Variants in CCBE1 observed in about 807,000 individuals in gnomAD.
CCBE1 encodes collagen and calcium-binding EGF domain-containing protein 1.
In CCBE1, 37 loss-of-function variants were observed where a neutral mutation model predicts 50.0. That is an observed-to-expected ratio of 0.74 (90% CI 0.57 to 0.97). CCBE1 has a LOEUF of 0.97. CCBE1 is among the 50% of genes least tolerant of loss of function. The pLI is 0.00. For missense variants in CCBE1, 538 were observed against 523.8 expected (o/e 1.03, Z -0.26); for synonymous variants, 234 against 203.7 (o/e 1.15, Z -1.27).
Position 59,433,175 on chromosome 18 carries a change from T to C in CCBE1, c.*2733A>G, listed in dbSNP as rs1910002099. 6.6e-6 allele frequency: 1 copy of C among 152,178 alleles called. No individual in the cohort carries two copies. Among genetic ancestry groups the C allele is most frequent in the Non-Finnish European group, 1.5e-5 (1 of 68,026 alleles). The allele number at this position is 152,178 out of a possible 1,614,324, so 9.4% of individuals were successfully genotyped here. The stretch of plus-strand genomic sequence containing the variant: ...GCACCCCACCCTAAAAAGAAATTTT[T>C]TCTTTTTAAAAAGTCTCCTTTATTC... On this transcript the variant is annotated 3_prime_UTR_variant, in exon 11 of 11. Coordinates refer to ENST00000439986, the MANE Select transcript of CCBE1 (RefSeq NM_133459.4).
intron 2 of CCBE1, among the ~76,000 whole-genome samples, chr18:59,664,916 G>A (rs2054332593): frequency 6.6e-6 from 1 of 152,180 alleles, no homozygotes; most frequent in South Asian, 2.1e-4. Flanking sequence ...AGCTGAGGGA[G>A]AAGTAAAGTT....
At chr18:59,552,207 C>T (rs914396241) in intron 2 of CCBE1, among the ~76,000 whole-genome samples, 1 of 152,188 alleles carries the variant, frequency 6.6e-6, no homozygotes, top group Admixed American at 6.5e-5. Context: ...AGGCCCTGGA[C>T]CTCACACAAC....
At chr18:59,516,540 A>T (rs1914380838) in intron 2 of CCBE1, among the ~76,000 whole-genome samples, 2 of 152,180 alleles carry the variant, frequency 1.3e-5, no homozygotes, top group African/African-American at 2.4e-5. Flanking sequence ...GATAGGGGCA[A>T]AACAATCTGT....
At chr18:59,648,925 T>C (rs1037425551) in intron 2 of CCBE1, among the ~76,000 whole-genome samples, 17 of 152,192 alleles carry the variant, frequency 1.1e-4, no homozygotes, top group Non-Finnish European at 1.6e-4. Context: ...GTTAGAGCTG[T>C]GAGAATCTAA....
intron 2 of CCBE1, among the ~76,000 whole-genome samples, chr18:59,588,701 A>T (rs543085228): frequency 6.6e-6 from 1 of 152,292 alleles, no homozygotes; most frequent in African/African-American, 2.4e-5. Context: ...GGCAGTATAC[A>T]GCTCTTCTGG....
intron 2 of CCBE1, among the ~76,000 whole-genome samples, chr18:59,590,176 CAATT>C (rs1221478332): frequency 1.3e-5 from 2 of 152,092 alleles, no homozygotes; most frequent in Non-Finnish European, 2.9e-5. Flanking sequence ...TTAGCCAAAT[CAATT>C]AGAGGCATAA....
chr18:59,527,716 ATACT>A (rs1201572199), intron 2 of CCBE1, among the ~76,000 whole-genome samples: 2 of 152,206 alleles, frequency 1.3e-5, no homozygotes, highest in African/African-American at 4.8e-5. Flanking sequence ...TATCTAAAAA[ATACT>A]TTATTTCTCC....
intron 2 of CCBE1, among the ~76,000 whole-genome samples, chr18:59,663,189 A>G (rs556873541): frequency 6.6e-5 from 10 of 152,298 alleles, no homozygotes; most frequent in African/African-American, 1.9e-4. Flanking sequence ...TCCTAATGGG[A>G]AGTAGATTGT....
At chr18:59,594,725 T>C (rs1396331538) in intron 2 of CCBE1, among the ~76,000 whole-genome samples, 1 of 152,124 alleles carries the variant, frequency 6.6e-6, no homozygotes, top group African/African-American at 2.4e-5. Context: ...TTGTCAACAG[T>C]ACATCTTTAA....
At chr18:59,614,378 AG>A (rs2053612008) in intron 2 of CCBE1, among the ~76,000 whole-genome samples, 1 of 152,228 alleles carries the variant, frequency 6.6e-6, no homozygotes, top group Non-Finnish European at 1.5e-5. Context: ...TTTAACAAAA[AG>A]TGATTTACTT....
At chr18:59,539,313 A>C (rs1313810258) in intron 2 of CCBE1, among the ~76,000 whole-genome samples, 1 of 152,164 alleles carries the variant, frequency 6.6e-6, no homozygotes, top group Non-Finnish European at 1.5e-5. Flanking sequence ...TGCCACACTG[A>C]AGAGGCACAT....
At chr18:59,611,922 A>T (rs770770666) in intron 2 of CCBE1, among the ~76,000 whole-genome samples, 5 of 152,230 alleles carry the variant, frequency 3.3e-5, no homozygotes, top group Non-Finnish European at 7.3e-5. Context: ...TCTTAAGAGC[A>T]GGGTAAAGTC....
chr18:59,647,904 A>G (rs1282233406), intron 2 of CCBE1, among the ~76,000 whole-genome samples: 1 of 152,234 alleles, frequency 6.6e-6, no homozygotes, highest in East Asian at 1.9e-4. Context: ...ACACAGAGAC[A>G]GTAAGTTATC....
At chr18:59,557,650 C>T (rs749175131) in intron 2 of CCBE1, among the ~76,000 whole-genome samples, 1 of 152,142 alleles carries the variant, frequency 6.6e-6, no homozygotes, top group Non-Finnish European at 1.5e-5. Flanking sequence ...TAGGCCACTA[C>T]TTCATTTATA....
chr18:59,532,857 G>C (rs747861152), intron 2 of CCBE1, among the ~76,000 whole-genome samples: 20 of 151,994 alleles, frequency 1.3e-4, no homozygotes, highest in Non-Finnish European at 8.8e-5. Context: ...GGCTATCTAG[G>C]CCTTGTCCTT....
intron 2 of CCBE1, among the ~76,000 whole-genome samples, chr18:59,648,362 G>A (rs1391244571): frequency 6.6e-6 from 1 of 152,172 alleles, no homozygotes; most frequent in Non-Finnish European, 1.5e-5. Context: ...AGAACCCTGT[G>A]ACAGACTAAC....
chr18:59,573,284 AATATATAT>A lies in CCBE1; in HGVS notation c.213-93054_213-93047del, dbSNP rs71336346. ...TGGGCAATATAGTGAGACTCCGTCT[AATATATAT>A]ATATATATATGTATGTATGTGATAG... is the stretch of plus-strand genomic sequence containing the variant. On this transcript the variant is annotated intron_variant, in intron 2 of 10. Coordinates refer to ENST00000439986, the MANE Select transcript of CCBE1 (RefSeq NM_133459.4). 6.4e-5 allele frequency among the ~76,000 whole-genome samples: 6 copies of A among 93,726 alleles called. 1 individual carries two copies. The highest frequency in any genetic ancestry group is 4.2e-4 in the Admixed American group (4 of 9,448). The allele number at this position is 93,726 out of a possible 152,430, so 61.5% of individuals were successfully genotyped here. A position where few individuals can be genotyped will look rare whatever the true frequency, so the allele number is the denominator to read the frequency against.
chr18:59,642,532 C>T (rs890293193), intron 2 of CCBE1, among the ~76,000 whole-genome samples: 2 of 152,190 alleles, frequency 1.3e-5, no homozygotes, highest in Non-Finnish European at 1.5e-5. Flanking sequence ...TTCACAGCAG[C>T]AGTGTCATAA....
At chr18:59,464,018 CCT>C (rs1911621711) in intron 5 of CCBE1, 1 of 152,178 alleles carries the variant, frequency 6.6e-6, no homozygotes, top group African/African-American at 2.4e-5. Flanking sequence ...ATAGCTGCAC[CCT>C]GTTTTTCAGT....
Sources: gnomAD v4.1 joint callset for allele counts (sites outside exome capture counted in the v4.1 genomes callset) on GRCh38, gnomAD v4.1.1 for gene constraint, MANE v1.5 for transcripts, NCBI Gene and HGNC (gene_info 2026-07-23, HGNC 2026-07-21) for gene names.